ADGRL4: variants seen among roughly 807,000 people sequenced by gnomAD.
ADGRL4 encodes the protein adhesion G protein-coupled receptor L4.
ADGRL4 carries 90 observed loss-of-function variants against 74.8 expected under a neutral mutation model. The observed-to-expected ratio is 1.20, with a 90% CI of 1.02 to 1.43. The LOEUF (loss-of-function observed/expected upper bound fraction) is 1.43. ADGRL4 is among the 40% of genes most tolerant of loss of function. ADGRL4 has a pLI of 0.00. For missense variants in ADGRL4, 881 were observed against 814.3 expected (o/e 1.08, Z -1.00); for synonymous variants, 311 against 279.2 (o/e 1.11, Z -1.14).
At chr1:78,901,097 G>C (rs1394010218) in intron 12 of ADGRL4, among the ~76,000 whole-genome samples, 1 of 151,908 alleles carries the variant, frequency 6.6e-6, no homozygotes, top group Non-Finnish European at 1.5e-5. Context: ...AAAAATATAG[G>C]ATACCAGTAT....
intron 11 of ADGRL4, 39 bp from the exon 12 acceptor site, chr1:78,917,739 T>C (rs1194511338): frequency 6.3e-7 from 1 of 1,579,044 alleles, no homozygotes; most frequent in Non-Finnish European, 8.7e-7. Flanking sequence ...TAAATATGTT[T>C]GCATGTATGT....
chr1:78,990,044 C>A (rs1650574960), intron 2 of ADGRL4, among the ~76,000 whole-genome samples: 1 of 151,802 alleles, frequency 6.6e-6, no homozygotes, highest in Non-Finnish European at 1.5e-5. Context: ...AGGTTTTGAT[C>A]AATCTTGATT....
chr1:78,947,264 T>A (rs1209188089), intron 2 of ADGRL4, among the ~76,000 whole-genome samples: 1 of 152,152 alleles, frequency 6.6e-6, no homozygotes, highest in South Asian at 2.1e-4. Flanking sequence ...TTTGGATATG[T>A]TATTAAAGAA....
chr1:78,935,694 C>A (rs1649338599), intron 7 of ADGRL4, among the ~76,000 whole-genome samples: 1 of 152,040 alleles, frequency 6.6e-6, no homozygotes, highest in South Asian at 2.1e-4. Context: ...AAAATCAGAG[C>A]TCTTTTGTAT....
intron 2 of ADGRL4, among the ~76,000 whole-genome samples, chr1:78,978,927 A>G (rs1447870694): frequency 6.6e-6 from 1 of 151,924 alleles, no homozygotes; most frequent in African/African-American, 2.4e-5. Context: ...TTGGTATTTC[A>G]CATTTTAATA....
intron 2 of ADGRL4, among the ~76,000 whole-genome samples, chr1:79,004,378 A>T (rs1245962612): frequency 6.6e-6 from 1 of 152,156 alleles, no homozygotes; most frequent in South Asian, 2.1e-4. Context: ...GGAGTGGAAG[A>T]TTGGGGTAGA....
rs182978051 is a variant in ADGRL4, at chr1:78,979,260, T to A, written c.172+25810A>T. Among the ~76,000 whole-genome samples, 197 of 152,132 alleles carry A rather than the reference T, an allele frequency of 1.3e-3. 1 individual carries two copies. The highest frequency in any genetic ancestry group is 3.4e-3 in the Middle Eastern group (1 of 294). On this transcript the variant is annotated intron_variant, in intron 2 of 14. Transcript: ENST00000370742. ...CTTAAAAAACCTTTGTTTTCAAAACTAATTTCAAATCCCATACCTTGATTT... is the reference window on the plus strand; with the variant it reads ...CTTAAAAAACCTTTGTTTTCAAAACAAATTTCAAATCCCATACCTTGATTT...
At chr1:78,964,641 A>G (rs1028742572) in intron 2 of ADGRL4, among the ~76,000 whole-genome samples, 2 of 152,122 alleles carry the variant, frequency 1.3e-5, no homozygotes, top group Admixed American at 6.6e-5. Context: ...TTCATCAATC[A>G]TAGTAAAACT....
intron 2 of ADGRL4, among the ~76,000 whole-genome samples, chr1:78,970,730 T>A (rs1004946356): frequency 6.4e-4 from 97 of 152,170 alleles, no homozygotes; most frequent in African/African-American, 2.3e-3. Flanking sequence ...ATTGAAAAAA[T>A]CTCTTTGTTT....
chr1:78,900,475 C>G, intron 12 of ADGRL4, among the ~76,000 whole-genome samples: 1 of 152,096 alleles, frequency 6.6e-6, no homozygotes, highest in East Asian at 1.9e-4. Context: ...AATACACGCA[C>G]ATGTACATAT....
rs771201747 is a variant in ADGRL4, at chr1:78,946,388, C to T, written c.211G>A (p.Glu71Lys). The change falls in exon 3 of 15, where the codon GAA (glutamate) becomes AAA (lysine). Residue 71 changes from glutamate (E) to lysine (K), a missense_variant. Transcript: ENST00000370742. ...ECGNLTQSCGENANCTNTEGS... is the reference protein window; with the variant it reads ...ECGNLTQSCGKNANCTNTEGS... ...TCTGTGTTAGTGCAATTAGCATTTT[C>T]GCCACAGGACTGAGTTAAATTTCCA... is the stretch of plus-strand genomic sequence containing the variant. The T allele has an allele frequency of 3.2e-5, 52 of 1,612,276 alleles. No individual in the cohort carries two copies. The highest frequency in any genetic ancestry group is 3.6e-5 in the Non-Finnish European group (42 of 1,179,168).
chr1:78,895,712 A>G (rs994517512), intron 12 of ADGRL4, among the ~76,000 whole-genome samples: 5 of 152,174 alleles, frequency 3.3e-5, no homozygotes, highest in Admixed American at 3.3e-4. Flanking sequence ...TGGCTGGAGT[A>G]TAGTAAGCAA....
intron 2 of ADGRL4, among the ~76,000 whole-genome samples, chr1:78,960,184 T>C (rs1271133582): frequency 1.3e-5 from 2 of 152,192 alleles, no homozygotes; most frequent in African/African-American, 2.4e-5. Flanking sequence ...TTAAGTATTT[T>C]ACAGAAATAA....
chr1:78,964,936 C>T (rs181158782), intron 2 of ADGRL4, among the ~76,000 whole-genome samples: 2 of 151,964 alleles, frequency 1.3e-5, no homozygotes, highest in African/African-American at 4.8e-5. Flanking sequence ...TGTTTTCTCA[C>T]CTATAAAGTG....
Position 78,890,974 on chromosome 1 carries a change from A to T in ADGRL4, c.*180T>A, listed in dbSNP as rs571474990. 379 of 643,170 alleles carry T rather than the reference A, an allele frequency of 5.9e-4. 1 individual carries two copies. Among genetic ancestry groups the T allele is most frequent in the Admixed American group, 6.8e-4 (25 of 36,918 alleles). 39.8% of individuals were successfully genotyped at this position (643,170 alleles called of 1,614,324 possible). Reference sequence around the variant, plus strand: ...TAGAAAAACATAGTATATCTATATGATACATAATTTTACCTTATTATCTAC... The same window carrying T: ...TAGAAAAACATAGTATATCTATATGTTACATAATTTTACCTTATTATCTAC... On this transcript the variant is annotated 3_prime_UTR_variant, in exon 15 of 15. Coordinates refer to ENST00000370742, the MANE Select transcript of ADGRL4 (RefSeq NM_022159.4).
intron 7 of ADGRL4, among the ~76,000 whole-genome samples, chr1:78,929,680 A>C (rs78929744): frequency 0.16 from 24,600 of 151,382 alleles, 2,375 homozygotes; most frequent in Middle Eastern, 0.21. Context: ...AATGTGTTAG[A>C]TTTGTCCTTA....
At position 79,006,600 on chromosome 1, in the gene ADGRL4, C is replaced by G; in HGVS notation, c.22+33G>C. ...CCCTACAAGGGATTGGTCCCTCCGA[C>G]GACCTCGGCGACCAGGGGCGCTGAG... On this transcript the variant is annotated intron_variant, in intron 1 of 14. Coordinates refer to ENST00000370742, the MANE Select transcript of ADGRL4 (RefSeq NM_022159.4). 2.6e-6 allele frequency: 4 copies of G among 1,533,282 alleles called. No individual in the cohort carries two copies. The South Asian group carries it at 3.6e-5, about 14-fold the overall frequency. The allele number at this position is 1,533,282 out of a possible 1,614,324, so 95.0% of individuals were successfully genotyped here.
rs1303942853 is a variant in ADGRL4 at position 78,891,612 on chromosome 1, G to A, written c.1922C>T (p.Ala641Val). 8 of 1,613,536 alleles carry A rather than the reference G, an allele frequency of 5.0e-6. No individual in the cohort carries two copies. The African/African-American group carries it at 5.3e-5, about 11-fold the overall frequency. Residue 641 changes from alanine to valine, a missense_variant, in exon 14 of 15, where the codon GCA becomes GTA. Ala to Val is a moderately conservative substitution (Grantham distance 64). Coordinates refer to ENST00000370742, the MANE Select transcript of ADGRL4 (RefSeq NM_022159.4). ...WIFGVLHVVH[A>V]SVVTAYLFTV... ...GAAGAGGTAAGCTGTAACCACTGAT[G>A]CGTGCACAACATGGAGAACCCCAAA...
chr1:78,962,065 G>C (rs888375975), intron 2 of ADGRL4, among the ~76,000 whole-genome samples: 2 of 151,984 alleles, frequency 1.3e-5, no homozygotes, highest in Non-Finnish European at 2.9e-5. Context: ...TTTTTTAGTA[G>C]AGACAGAGTT....
Sources: allele counts gnomAD v4.1 joint callset (sites outside exome capture counted in the v4.1 genomes callset), GRCh38; gene constraint gnomAD v4.1.1; transcripts MANE v1.5; gene names NCBI Gene and HGNC (gene_info 2026-07-23, HGNC 2026-07-21).